GPHN: variants seen among roughly 807,000 people sequenced by gnomAD.
GPHN encodes the protein gephyrin.
GPHN carries 17 observed loss-of-function variants against 95.5 expected under a neutral mutation model. The observed-to-expected ratio is 0.18, with a 90% confidence interval of 0.12 to 0.27. The LOEUF (loss-of-function observed/expected upper bound fraction) is 0.27. GPHN is among the 10% of genes least tolerant of loss of function. The pLI is 1.00. For missense variants in GPHN, 660 were observed against 978.1 expected (o/e 0.67, Z 4.34); for synonymous variants, 320 against 322.5 (o/e 0.99, Z 0.08).
At chr14:67,533,278 G>T in the GPHN span, 1 of 151,960 alleles carries the variant, frequency 6.6e-6, no homozygotes, top group African/African-American at 2.4e-5. Context: ...TGCTGCCGGG[G>T]AGGGGAGAAC....
the GPHN span, among the ~76,000 whole-genome samples, chr14:67,671,760 C>G: frequency 6.6e-6 from 1 of 152,094 alleles, no homozygotes; most frequent in Admixed American, 6.5e-5. Context: ...CTTTCAAGGG[C>G]CTTCTTGCTA....
the GPHN span, among the ~76,000 whole-genome samples, chr14:67,274,672 G>A: frequency 1.3e-5 from 2 of 152,170 alleles, no homozygotes; most frequent in Admixed American, 6.6e-5. Flanking sequence ...GTCATTGGTA[G>A]CTTGATGGGG....
chr14:67,350,612 T>C, the GPHN span: 1 of 1,613,004 alleles, frequency 6.2e-7, no homozygotes, highest in African/African-American at 1.3e-5. Flanking sequence ...TCCCCTTACC[T>C]GAAGTCACCT....
chr14:67,182,234 A>G (rs2083336926), downstream of GPHN, among the ~76,000 whole-genome samples: 1 of 152,252 alleles, frequency 6.6e-6, no homozygotes, highest in Non-Finnish European at 1.5e-5. Flanking sequence ...GTTAGAAAGG[A>G]AGTGAGAAAT....
At chr14:67,081,104 C>T (rs779488670) in intron 11 of GPHN, among the ~76,000 whole-genome samples, 1 of 152,132 alleles carries the variant, frequency 6.6e-6, no homozygotes, top group Admixed American at 6.5e-5. Context: ...ATAATTACTT[C>T]TTTTCCTCTG....
At chr14:67,478,400 T>G in the GPHN span, among the ~76,000 whole-genome samples, 3 of 152,238 alleles carry the variant, frequency 2.0e-5, no homozygotes, top group Non-Finnish European at 2.9e-5. Context: ...ACTCTTCTCA[T>G]TGCTGCCACT....
At chr14:67,576,628 G>T in the GPHN span, 6 of 555,136 alleles carry the variant, frequency 1.1e-5, no homozygotes, top group African/African-American at 5.7e-5. The surrounding 1 kb of genome is among the most constrained non-coding windows in gnomAD (Gnocchi z 4.0). Flanking sequence ...GCCACAGAGG[G>T]GAAGTTCCCA....
chr14:67,172,095 G>C (rs984819872), intron 21 of GPHN, among the ~76,000 whole-genome samples: 2 of 152,128 alleles, frequency 1.3e-5, no homozygotes, highest in Non-Finnish European at 2.9e-5. Context: ...ACTATGGCTA[G>C]AGTTTTTCTT....
chr14:66,846,903 CA>C (rs2062362812), intron 4 of GPHN, among the ~76,000 whole-genome samples: 1 of 152,086 alleles, frequency 6.6e-6, no homozygotes, highest in Admixed American at 6.6e-5. Flanking sequence ...TGAAAATGTT[CA>C]GGAATTTAAT....
the GPHN span, among the ~76,000 whole-genome samples, chr14:67,594,626 C>T: frequency 1.3e-5 from 2 of 151,568 alleles, no homozygotes; most frequent in African/African-American, 4.9e-5. Flanking sequence ...GCACTCCAGC[C>T]TGATGACAGA....
intron 1 of GPHN, among the ~76,000 whole-genome samples, chr14:66,668,619 C>T (rs78947174): frequency 0.059 from 8,922 of 152,142 alleles, 358 homozygotes; most frequent in Middle Eastern, 0.099. Context: ...GAACACACAC[C>T]AGGGCCTACT....
chr14:67,193,326 ATC>A, the GPHN span, among the ~76,000 whole-genome samples: 1 of 139,410 alleles, frequency 7.2e-6, no homozygotes, highest in Non-Finnish European at 1.5e-5. Context: ...ATATCTATAT[ATC>A]TCTATATAGA....
chr14:67,193,334 A>ATC, the GPHN span, among the ~76,000 whole-genome samples: 1 of 138,590 alleles, frequency 7.2e-6, no homozygotes, highest in African/African-American at 2.6e-5. Context: ...ATATCTCTAT[A>ATC]TAGATATCTA....
intron 1 of GPHN, among the ~76,000 whole-genome samples, chr14:66,525,310 G>A (rs917945640): frequency 1.3e-5 from 2 of 152,130 alleles, no homozygotes; most frequent in African/African-American, 2.4e-5. Flanking sequence ...AGAAGTGTCT[G>A]TTCATATCCT....
the GPHN span, among the ~76,000 whole-genome samples, chr14:67,486,457 TAC>T: frequency 1.3e-5 from 2 of 152,202 alleles, no homozygotes; most frequent in African/African-American, 4.8e-5. Flanking sequence ...GTATTTTTAG[TAC>T]AGATGGGGTT....
At chr14:66,735,431 A>G (rs981206018) in intron 2 of GPHN, among the ~76,000 whole-genome samples, 1 of 152,180 alleles carries the variant, frequency 6.6e-6, no homozygotes, top group South Asian at 2.1e-4. Context: ...GGATATGTAC[A>G]GGGCCCAATA....
At chr14:67,374,576 C>T in the GPHN span, 14 of 1,429,710 alleles carry the variant, frequency 9.8e-6, no homozygotes, top group Non-Finnish European at 5.9e-6. Context: ...CAAATTAGTC[C>T]ACTATCTGTG....
At chr14:66,552,869 T>A (rs550715056) in intron 1 of GPHN, among the ~76,000 whole-genome samples, 1 of 152,300 alleles carries the variant, frequency 6.6e-6, no homozygotes, top group Non-Finnish European at 1.5e-5. Flanking sequence ...TTTTTCTTAC[T>A]TTTGTTTTTA....
chr14:66,911,207 A>G (rs1205898934), intron 5 of GPHN, among the ~76,000 whole-genome samples: 15 of 151,988 alleles, frequency 9.9e-5, no homozygotes, highest in Admixed American at 9.8e-4. Context: ...TGAAATGTCT[A>G]GAATAGGCAA....
Sources: allele counts gnomAD v4.1 joint callset (sites outside exome capture counted in the v4.1 genomes callset), GRCh38; gene constraint gnomAD v4.1.1; non-coding constraint Gnocchi (gnomAD v3.1); transcripts MANE v1.5; gene names NCBI Gene and HGNC (gene_info 2026-07-23, HGNC 2026-07-21).